The following PIK3C2A variants were observed in gnomAD, a reference collection of about 807,000 sequenced individuals.
PIK3C2A encodes phosphatidylinositol 4-phosphate 3-kinase C2 domain-containing subunit alpha.
PIK3C2A carries 97 observed loss-of-function variants against 204.5 expected under a neutral mutation model. The observed-to-expected ratio is 0.47, with a 90% CI of 0.40 to 0.56. PIK3C2A has a LOEUF of 0.56. Ranked by LOEUF, PIK3C2A falls within the 20% of genes least tolerant of loss-of-function variation. The probability of loss-of-function intolerance (pLI) is 0.00; values close to 1 mark genes in which losing one functional copy is unlikely to be tolerated. For synonymous variants in PIK3C2A, 653 were observed against 664.4 expected (o/e 0.98, Z 0.26); for missense variants, 1,735 against 1,969.2 (o/e 0.88, Z 2.25).
chr11:17,159,197 T>A (rs898589933), intron 2 of PIK3C2A, among the ~76,000 whole-genome samples: 1 of 152,260 alleles, frequency 6.6e-6, no homozygotes, highest in African/African-American at 2.4e-5. Context: ...TTCTATTTTG[T>A]ACTGCATTTA....
At chr11:17,166,177 T>C (rs1850940529) in intron 2 of PIK3C2A, among the ~76,000 whole-genome samples, 1 of 152,086 alleles carries the variant, frequency 6.6e-6, no homozygotes, top group Admixed American at 6.6e-5. Context: ...AACTGTAAAA[T>C]AGGGATGGGT....
chr11:17,199,040 A>T (rs1852267346), intron 1 of PIK3C2A, among the ~76,000 whole-genome samples: 1 of 151,754 alleles, frequency 6.6e-6, no homozygotes, highest in African/African-American at 2.4e-5. Context: ...AATCACTTGA[A>T]CCTGGGAGGC....
At chr11:17,105,548 C>T (rs1056891247) in intron 22 of PIK3C2A, among the ~76,000 whole-genome samples, 3 of 152,112 alleles carry the variant, frequency 2.0e-5, no homozygotes, top group Non-Finnish European at 2.9e-5. Context: ...CCTCCCCTTG[C>T]CTCCCACCTG....
At position 17,091,379 on chromosome 11, in the gene PIK3C2A, T is replaced by C; in HGVS notation, c.4833A>G (p.Lys1611=). Residue 1611 remains lysine (K), a synonymous_variant, in exon 32 of 33, where the codon AAA becomes AAG. Transcript: ENST00000691414. ...LPDNHKTSKR[K]TKISRKTRNP... is the part of the protein sequence containing the mutation. ...TCCTCGTTTTTCGTGAAATTTTGGT[T>C]TTACGTTTGGATGTTTTGTGGTTAT... The C allele has an allele frequency of 1.2e-6, 2 of 1,614,018 alleles. No homozygotes were observed. Among genetic ancestry groups the C allele is most frequent in the East Asian group, 2.2e-5 (1 of 44,872 alleles).
intron 20 of PIK3C2A, among the ~76,000 whole-genome samples, chr11:17,112,937 C>A (rs1849047014): frequency 6.6e-6 from 1 of 152,088 alleles, no homozygotes; most frequent in African/African-American, 2.4e-5. Flanking sequence ...AGGCATGCAC[C>A]AACATGCCCA....
At chr11:17,091,482 A>AAG in intron 31 of PIK3C2A, 23 bp from the exon 32 acceptor site, 2 of 1,610,570 alleles carry the variant, frequency 1.2e-6, no homozygotes, top group Admixed American at 3.4e-5. Context: ...GCAGTCCCTT[A>AAG]ATAGTAATGC....
At chr11:17,165,851 T>C (rs935989954) in intron 2 of PIK3C2A, among the ~76,000 whole-genome samples, 1 of 151,068 alleles carries the variant, frequency 6.6e-6, no homozygotes, top group African/African-American at 2.4e-5. Context: ...GTCAGAACTT[T>C]GCTGCTTGCA....
At position 17,187,988 on chromosome 11, in the gene PIK3C2A, G is replaced by GTTTTAAATTTTTCATCATTTGCATAT. The variant is rs1320914113; in HGVS notation, c.-65-18183_-65-18182insATATGCAAATGATGAAAAATTTAAAA. The stretch of plus-strand genomic sequence containing the variant: ...ATTTACTTTTTGCTAAATTTTGGTA[G>GTTTTAAATTTTTCATCATTTGCATAT]TTTTAAATTTTTCATCATTTGCATG... On this transcript the variant is annotated intron_variant, in intron 1 of 32. Coordinates refer to ENST00000691414, the MANE Select transcript of PIK3C2A (RefSeq NM_002645.4). Among the ~76,000 whole-genome samples the GTTTTAAATTTTTCATCATTTGCATAT allele has an allele frequency of 1.6e-4, 24 of 152,210 alleles. No homozygotes were observed. In the South Asian group the frequency reaches 2.7e-3, roughly 17 times the overall value.
intron 22 of PIK3C2A, among the ~76,000 whole-genome samples, chr11:17,107,090 G>C (rs1383740848): frequency 6.6e-6 from 1 of 152,158 alleles, no homozygotes. Context: ...GAGGCGGGCA[G>C]ATCACAAGGT....
chr11:17,207,359 T>C (rs879356860), intron 1 of PIK3C2A, among the ~76,000 whole-genome samples: 16 of 152,012 alleles, frequency 1.1e-4, no homozygotes, highest in Non-Finnish European at 2.2e-4. Context: ...AAAGTATCCT[T>C]GGCCCCCAGA....
intron 1 of PIK3C2A, among the ~76,000 whole-genome samples, chr11:17,174,905 AAAAAT>A (rs902168106): frequency 6.6e-6 from 1 of 152,078 alleles, no homozygotes; most frequent in South Asian, 2.1e-4. Flanking sequence ...TGTCTCAAAA[AAAAAT>A]AAAATAAAAT....
At chr11:17,203,257 C>A (rs1267807478) in intron 1 of PIK3C2A, among the ~76,000 whole-genome samples, 7 of 151,438 alleles carry the variant, frequency 4.6e-5, no homozygotes, top group Non-Finnish European at 1.5e-5. Flanking sequence ...GTTTGGGAGG[C>A]CAAGATGGGA....
At chr11:17,095,418 A>G (rs1391212934) in intron 27 of PIK3C2A, among the ~76,000 whole-genome samples, 1 of 149,986 alleles carries the variant, frequency 6.7e-6, no homozygotes, top group Non-Finnish European at 1.5e-5. Context: ...TACTAAAAAA[A>G]AAAAAAAAAA....
chr11:17,115,141 CA>C (rs988416495), intron 19 of PIK3C2A, among the ~76,000 whole-genome samples: 19 of 152,038 alleles, frequency 1.2e-4, no homozygotes, highest in Non-Finnish European at 2.2e-4. Context: ...TATGAAATTG[CA>C]AGTGTCCCCT....
rs936598839 is a variant in PIK3C2A, at chr11:17,198,814, A to C, written c.-66+9034T>G. Among the ~76,000 whole-genome samples, 9 of 97,618 alleles carry C rather than the reference A, an allele frequency of 9.2e-5. No individual in the cohort carries two copies. The South Asian group carries it at 2.9e-3, about 32-fold the overall frequency. The allele number at this position is 97,618 out of a possible 152,430, so 64.0% of individuals were successfully genotyped here. Reference sequence around the variant, plus strand: ...CAAGACCTCATAAAAAACAAAACAAAACAAAAAAAAAAAGCCACCTTAGTC... The same window carrying C: ...CAAGACCTCATAAAAAACAAAACAACACAAAAAAAAAAAGCCACCTTAGTC... On this transcript the variant is annotated intron_variant, in intron 1 of 32. Transcript: ENST00000691414.
intron 16 of PIK3C2A, 55 bp from the exon 17 acceptor site, chr11:17,119,368 G>A: frequency 5.7e-6 from 6 of 1,045,724 alleles, no homozygotes; most frequent in Non-Finnish European, 9.0e-6. Context: ...CAGTGAAGCT[G>A]TATTTTTTGA....
chr11:17,097,641 C>A (rs562998949), intron 26 of PIK3C2A, among the ~76,000 whole-genome samples: 36 of 152,274 alleles, frequency 2.4e-4, no homozygotes, highest in Non-Finnish European at 4.6e-4. Context: ...GGGCTGGGCA[C>A]GGTGGCTCAC....
chr11:17,175,507 G>T (rs1726907041), intron 1 of PIK3C2A, among the ~76,000 whole-genome samples: 1 of 152,062 alleles, frequency 6.6e-6, no homozygotes, highest in African/African-American at 2.4e-5. Context: ...CAAACATTTA[G>T]CAGGAAATAA....
At chr11:17,097,342 A>C (rs1355077391) in intron 26 of PIK3C2A, 78 bp from the exon 27 acceptor site, 1 of 863,764 alleles carries the variant, frequency 1.2e-6, no homozygotes, top group African/African-American at 1.7e-5. Flanking sequence ...AATGACAAAA[A>C]CCACTTTCAT....
Sources: allele counts gnomAD v4.1 joint callset (sites outside exome capture counted in the v4.1 genomes callset), GRCh38; gene constraint gnomAD v4.1.1; transcripts MANE v1.5; gene names NCBI Gene and HGNC (gene_info 2026-07-23, HGNC 2026-07-21).